The following FILIP1L variants were observed in gnomAD, a reference collection of about 807,000 sequenced individuals.
FILIP1L encodes filamin A interacting protein 1 like.
In FILIP1L, 55 loss-of-function variants were observed where a neutral mutation model predicts 96.6. That is an observed-to-expected ratio of 0.57 (90% CI 0.46 to 0.71). FILIP1L has a LOEUF of 0.71. Ranked by LOEUF, FILIP1L falls within the 30% of genes least tolerant of loss-of-function variation. The pLI is 0.00. For synonymous variants in FILIP1L, 467 were observed against 473.9 expected (o/e 0.99, Z 0.19); for missense variants, 1,304 against 1,321.2 (o/e 0.99, Z 0.20).
intron 4 of FILIP1L, among the ~76,000 whole-genome samples, chr3:99,906,249 C>T (rs755360977): frequency 5.9e-5 from 9 of 152,126 alleles, no homozygotes; most frequent in South Asian, 2.1e-4. Flanking sequence ...AGTACTCCCT[C>T]GTTGTAAATT....
intron 1 of FILIP1L, among the ~76,000 whole-genome samples, chr3:99,980,143 A>G (rs1709079628): frequency 6.6e-6 from 1 of 152,160 alleles, no homozygotes; most frequent in African/African-American, 2.4e-5. Flanking sequence ...TGAGACATGC[A>G]GTAGTACCTT....
chr3:99,958,432 C>T (rs939101195), intron 1 of FILIP1L, among the ~76,000 whole-genome samples: 2 of 151,884 alleles, frequency 1.3e-5, no homozygotes, highest in African/African-American at 4.8e-5. Context: ...TGTGACTGAG[C>T]CCAGCAGGAA....
intron 1 of FILIP1L, among the ~76,000 whole-genome samples, chr3:100,069,061 T>C (rs2065717102): frequency 6.6e-6 from 1 of 152,184 alleles, no homozygotes; most frequent in Admixed American, 6.5e-5. Flanking sequence ...AATAGATCAG[T>C]TGATATACTT....
At chr3:100,107,384 T>C (rs998913045) in intron 1 of FILIP1L, among the ~76,000 whole-genome samples, 11 of 152,186 alleles carry the variant, frequency 7.2e-5, no homozygotes, top group African/African-American at 2.7e-4. Flanking sequence ...GTAAGCATTA[T>C]AGCCTCTTCT....
In FILIP1L at chr3:99,929,842, A is replaced by T. The variant is rs1300425143; in HGVS notation, c.426+14T>A. 6.2e-7 allele frequency: 1 copy of T among 1,602,116 alleles called. No homozygotes were observed. ...GGCTGCCTCCCAGGTACACACCCCT[A>T]TTGTGGTACATACCTCATTCATTGG... On this transcript the variant is annotated intron_variant, in intron 3 of 5. Coordinates refer to ENST00000477258, the MANE Select transcript of FILIP1L (RefSeq NM_001387850.1).
intron 1 of FILIP1L, among the ~76,000 whole-genome samples, chr3:100,031,366 T>A (rs2065019136): frequency 6.6e-6 from 1 of 152,110 alleles, no homozygotes; most frequent in African/African-American, 2.4e-5. Context: ...AAAGTTCCTG[T>A]TACCCTCGTT....
rs951661092 is a variant in FILIP1L, at chr3:99,985,045, G to A, written c.-10-54015C>T. ...CCGTGAGGAAGGTATAAGGGGCAGG[G>A]TACCAGGTATATATGGTTAGAAGTT... On this transcript the variant is annotated intron_variant, in intron 1 of 5. Coordinates refer to ENST00000477258, the MANE Select transcript of FILIP1L (RefSeq NM_001387850.1). Among the ~76,000 whole-genome samples the A allele has an allele frequency of 2.6e-5, 4 of 152,246 alleles. No homozygotes were observed. The South Asian group carries it at 8.3e-4, about 32-fold the overall frequency.
intron 1 of FILIP1L, among the ~76,000 whole-genome samples, chr3:99,968,485 A>C (rs1708721701): frequency 6.6e-6 from 1 of 152,074 alleles, no homozygotes. Flanking sequence ...CAGGCAGGCT[A>C]TCCAGGTAAA....
chr3:100,032,896 C>G (rs1432325032), intron 1 of FILIP1L, among the ~76,000 whole-genome samples: 2 of 151,996 alleles, frequency 1.3e-5, no homozygotes, highest in Admixed American at 6.6e-5. Flanking sequence ...TACATTTATT[C>G]CCTGCAACAA....
chr3:99,831,744 C>CCT (rs778071765), intron 5 of FILIP1L, among the ~76,000 whole-genome samples: 6 of 152,310 alleles, frequency 3.9e-5, no homozygotes, highest in Non-Finnish European at 7.4e-5. Context: ...GAATCTTACT[C>CCT]CTATGCATTG....
intron 3 of FILIP1L, among the ~76,000 whole-genome samples, chr3:99,929,027 GTTTA>G (rs755527526): frequency 1.3e-5 from 2 of 152,210 alleles, no homozygotes; most frequent in African/African-American, 4.8e-5. Context: ...GGTTGCCAGA[GTTTA>G]TTTGAGGGAA....
At chr3:100,076,899 A>C (rs988432874) in intron 1 of FILIP1L, among the ~76,000 whole-genome samples, 4 of 152,242 alleles carry the variant, frequency 2.6e-5, no homozygotes, top group African/African-American at 9.6e-5. Flanking sequence ...TGTGTAGTTA[A>C]GGATGCAATA....
rs541868283 is a variant in FILIP1L at position 100,100,943 on chromosome 3, A to G, written c.-11+13110T>C. On this transcript the variant is annotated intron_variant, in intron 1 of 5. Coordinates refer to ENST00000477258, the MANE Select transcript of FILIP1L (RefSeq NM_001387850.1). Reference sequence around the variant, plus strand: ...CCAAGATTTAGCTTCCTTGTGTGTTAGTGGTCAGTTTTTTAGCCCAGGTAT... The same window carrying G: ...CCAAGATTTAGCTTCCTTGTGTGTTGGTGGTCAGTTTTTTAGCCCAGGTAT... Among the ~76,000 whole-genome samples, 22 of 152,176 alleles carry G rather than the reference A, an allele frequency of 1.4e-4. No individual in the cohort carries two copies. The South Asian group carries it at 4.0e-3, about 27-fold the overall frequency.
At chr3:99,964,988 A>G (rs1212560169) in intron 1 of FILIP1L, among the ~76,000 whole-genome samples, 1 of 152,192 alleles carries the variant, frequency 6.6e-6, no homozygotes, top group Non-Finnish European at 1.5e-5. Context: ...TTTTCATTGT[A>G]TTTCTTGAAG....
intron 1 of FILIP1L, among the ~76,000 whole-genome samples, chr3:99,961,085 C>T (rs1057200532): frequency 3.3e-5 from 5 of 152,192 alleles, no homozygotes; most frequent in African/African-American, 1.2e-4. Context: ...GGATTATGCA[C>T]AGCCCAAATG....
At chr3:99,836,190 T>C (rs942528488) in intron 5 of FILIP1L, among the ~76,000 whole-genome samples, 3 of 152,156 alleles carry the variant, frequency 2.0e-5, no homozygotes, top group African/African-American at 7.2e-5. Context: ...TACAGTACCA[T>C]CTGTCCTAAA....
At chr3:99,896,935 A>G (rs577898622) in intron 4 of FILIP1L, among the ~76,000 whole-genome samples, 15 of 152,346 alleles carry the variant, frequency 9.8e-5, no homozygotes, top group Admixed American at 9.8e-4. Flanking sequence ...TGGCTAATAA[A>G]TAGAAAATGT....
At chr3:100,010,475 G>A (rs1710112502) in intron 1 of FILIP1L, among the ~76,000 whole-genome samples, 1 of 152,108 alleles carries the variant, frequency 6.6e-6, no homozygotes, top group Non-Finnish European at 1.5e-5. Context: ...ATGGTATTTA[G>A]AAAGGACCAT....
chr3:100,110,620 A>G (rs1001492639), intron 1 of FILIP1L, among the ~76,000 whole-genome samples: 3 of 152,208 alleles, frequency 2.0e-5, no homozygotes, highest in Non-Finnish European at 4.4e-5. Flanking sequence ...GGTCATAGCT[A>G]ATAATAGACA....
Sources: allele counts gnomAD v4.1 joint callset (sites outside exome capture counted in the v4.1 genomes callset), GRCh38; gene constraint gnomAD v4.1.1; transcripts MANE v1.5; gene names NCBI Gene and HGNC (gene_info 2026-07-23, HGNC 2026-07-21).